The following ACTR3C variants were observed in gnomAD, a reference collection of about 807,000 sequenced individuals.
The protein encoded by ACTR3C is actin related protein 3C.
In ACTR3C, 18 loss-of-function variants were observed where a neutral mutation model predicts 26.3. The observed-to-expected ratio is 0.68, with a 90% CI of 0.47 to 1.01. The LOEUF is 1.01. Ranked by LOEUF, ACTR3C falls within the 50% of genes least tolerant of loss-of-function variation. The pLI is 0.00. For synonymous variants in ACTR3C, 55 were observed against 94.5 expected (o/e 0.58, Z 2.42); for missense variants, 184 against 250.7 (o/e 0.73, Z 1.80).
chr7:149,889,404 T>C, the ACTR3C span, among the ~76,000 whole-genome samples: 3 of 152,188 alleles, frequency 2.0e-5, no homozygotes, highest in Non-Finnish European at 2.9e-5. Context: ...TTATGAAAGA[T>C]TGGCATCCAG....
At chr7:149,959,225 C>G in the ACTR3C span, among the ~76,000 whole-genome samples, 18 of 16,438 alleles carry the variant, frequency 1.1e-3, no homozygotes, top group East Asian at 6.0e-3. Context: ...TTAGCTCGCC[C>G]CCCACCCCCA....
the ACTR3C span, among the ~76,000 whole-genome samples, chr7:150,200,957 T>C: frequency 6.6e-6 from 1 of 152,238 alleles, no homozygotes; most frequent in African/African-American, 2.4e-5. Context: ...AAATTAAAAA[T>C]TCCCTTTCCA....
chr7:149,925,955 C>T, the ACTR3C span, among the ~76,000 whole-genome samples: 11 of 151,920 alleles, frequency 7.2e-5, no homozygotes, highest in African/African-American at 1.9e-4. Context: ...CCCAGCTACT[C>T]GGGAGGCTGC....
chr7:150,103,299 A>G, the ACTR3C span, among the ~76,000 whole-genome samples: 1 of 152,136 alleles, frequency 6.6e-6, no homozygotes, highest in African/African-American at 2.4e-5. Context: ...CTGAAGACTC[A>G]GACATAATGG....
chr7:150,196,796 T>C, the ACTR3C span, among the ~76,000 whole-genome samples: 1 of 152,196 alleles, frequency 6.6e-6, no homozygotes, highest in African/African-American at 2.4e-5. Context: ...AGTGTACCAC[T>C]GGCCTCAGAT....
At chr7:150,151,775 T>C in the ACTR3C span, among the ~76,000 whole-genome samples, 1 of 134,190 alleles carries the variant, frequency 7.5e-6, no homozygotes, top group Non-Finnish European at 1.6e-5. Context: ...ATATACCTAA[T>C]GCTAAATGAC....
chr7:150,047,780 A>G, the ACTR3C span: 7 of 1,521,952 alleles, frequency 4.6e-6, no homozygotes, highest in Non-Finnish European at 6.2e-6. Context: ...CCAGGAGGTG[A>G]CTCGCCTCCG....
chr7:150,058,933 A>C, the ACTR3C span, among the ~76,000 whole-genome samples: 236 of 152,166 alleles, frequency 1.6e-3, 1 homozygote, highest in African/African-American at 4.4e-3. Flanking sequence ...AACAAACAAA[A>C]AAACAAACAA....
the ACTR3C span, among the ~76,000 whole-genome samples, chr7:149,949,201 TACAC>T: frequency 1.4e-5 from 2 of 144,212 alleles, no homozygotes; most frequent in Non-Finnish European, 1.5e-5. Flanking sequence ...TATACATATA[TACAC>T]ACACACACAC....
chr7:150,036,727 G>C, the ACTR3C span, among the ~76,000 whole-genome samples: 1 of 137,904 alleles, frequency 7.3e-6, no homozygotes, highest in African/African-American at 2.5e-5. Flanking sequence ...AGCTGCGTTC[G>C]GACCCGTCGG....
the ACTR3C span, among the ~76,000 whole-genome samples, chr7:150,216,777 A>G: frequency 1.9e-4 from 29 of 151,850 alleles, 1 homozygote; most frequent in East Asian, 4.6e-3. Context: ...GCTTTAGGCC[A>G]GGAGTTTGAG....
chr7:149,901,067 A>G, the ACTR3C span, among the ~76,000 whole-genome samples: 1 of 152,214 alleles, frequency 6.6e-6, no homozygotes, highest in Admixed American at 6.5e-5. Flanking sequence ...TAGTAGCATT[A>G]CTGCTGAGTA....
chr7:150,055,904 T>C, the ACTR3C span, among the ~76,000 whole-genome samples: 2 of 152,252 alleles, frequency 1.3e-5, no homozygotes, highest in Non-Finnish European at 1.5e-5. Context: ...TGTCCTTAAT[T>C]AAAAATCAAT....
the ACTR3C span, among the ~76,000 whole-genome samples, chr7:150,156,715 C>T: frequency 6.6e-6 from 1 of 152,194 alleles, no homozygotes; most frequent in African/African-American, 2.4e-5. Context: ...AGGCAAATGA[C>T]TCTTCCCTCC....
At chr7:150,178,186 C>G in the ACTR3C span, among the ~76,000 whole-genome samples, 3 of 150,400 alleles carry the variant, frequency 2.0e-5, no homozygotes, top group African/African-American at 7.5e-5. Flanking sequence ...CTACTGACAC[C>G]TCGATTTTCT....
the ACTR3C span, among the ~76,000 whole-genome samples, chr7:150,157,985 C>T: frequency 2.0e-5 from 3 of 152,148 alleles, no homozygotes; most frequent in African/African-American, 7.2e-5. Flanking sequence ...ACTCCTACAA[C>T]TCAATAGTAA....
the ACTR3C span, among the ~76,000 whole-genome samples, chr7:150,233,996 T>TATATAATGTTTGCTGTAG: frequency 6.6e-6 from 1 of 152,190 alleles, no homozygotes; most frequent in Non-Finnish European, 1.5e-5. Context: ...AATCAAGCTA[T>TATATAATGTTTGCTGTAG]ATATAATGTT....
At chr7:150,104,934 T>G in the ACTR3C span, among the ~76,000 whole-genome samples, 1 of 152,004 alleles carries the variant, frequency 6.6e-6, no homozygotes, top group Admixed American at 6.6e-5. Flanking sequence ...CAGAATTACC[T>G]TTTCTCAATT....
chr7:149,990,971 T>C, the ACTR3C span, among the ~76,000 whole-genome samples: 71 of 152,188 alleles, frequency 4.7e-4, no homozygotes, highest in Non-Finnish European at 6.6e-4. Flanking sequence ...TGTGGACTTA[T>C]CCTGATGCAT....
Sources: allele counts gnomAD v4.1 joint callset (sites outside exome capture counted in the v4.1 genomes callset), GRCh38; gene constraint gnomAD v4.1.1; transcripts MANE v1.5; gene names NCBI Gene and HGNC (gene_info 2026-07-23, HGNC 2026-07-21).